Variants in LRRIQ1 observed in about 807,000 individuals in gnomAD.
LRRIQ1 encodes the protein leucine-rich repeat- and IQ domain-containing protein 1.
Under a neutral mutation model 211.9 loss-of-function variants are expected in LRRIQ1, and 210 were observed. The ratio of observed to expected loss-of-function variants is 0.99; its 90% CI spans 0.89 to 1.11. The LOEUF is 1.11. LRRIQ1 is among the 50% of genes most tolerant of loss of function. The probability of loss-of-function intolerance (pLI) is 0.00; values close to 1 mark genes in which losing one functional copy is unlikely to be tolerated. For synonymous variants in LRRIQ1, 699 were observed against 650.1 expected, an observed-to-expected ratio of 1.08 and a Z score of -1.14; for missense variants, 2,136 against 1,939.5, an observed-to-expected ratio of 1.10 and a Z score of -1.90.
intron 15 of LRRIQ1, among the ~76,000 whole-genome samples, chr12:85,118,600 C>G (rs1887750679): frequency 1.4e-5 from 2 of 147,626 alleles, no homozygotes; most frequent in African/African-American, 5.0e-5. Flanking sequence ...AAGATTATAA[C>G]TATACACAGA....
chr12:85,038,271 A>G lies in LRRIQ1; in HGVS notation c.95A>G (p.Asp32Gly). Residue 32 changes from aspartate to glycine, a missense_variant, in exon 2 of 27, where the codon GAT becomes GGT. Coordinates refer to ENST00000393217, the MANE Select transcript of LRRIQ1 (RefSeq NM_001079910.2). ...SSLEKEDIES[D>G]AKSETQSDDS... Reference sequence around the variant, plus strand: ...TTGGAAAAAGAAGACATTGAGAGTGATGCAAAATCAGAAACCCAGAGTGAT... The same window carrying G: ...TTGGAAAAAGAAGACATTGAGAGTGGTGCAAAATCAGAAACCCAGAGTGAT... 3 of 1,583,926 alleles carry G rather than the reference A, an allele frequency of 1.9e-6. No homozygotes were observed. Among genetic ancestry groups the G allele is most frequent in the East Asian group, 4.7e-5 (2 of 42,820 alleles).
At chr12:85,038,406 G>A in intron 2 of LRRIQ1, 98 bp downstream of exon 2, 1 of 807,082 alleles carries the variant, frequency 1.2e-6, no homozygotes, top group Non-Finnish European at 1.7e-6. Context: ...ATTTTTAGCA[G>A]CATTGTTATA....
intron 24 of LRRIQ1, among the ~76,000 whole-genome samples, chr12:85,210,723 A>G (rs1893798647): frequency 6.6e-6 from 1 of 152,188 alleles, no homozygotes; most frequent in African/African-American, 2.4e-5. Flanking sequence ...GTTTCTGAAC[A>G]TTCTGGAAGT....
At chr12:85,072,655 T>C (rs1883216794) in intron 10 of LRRIQ1, among the ~76,000 whole-genome samples, 1 of 151,932 alleles carries the variant, frequency 6.6e-6, no homozygotes, top group African/African-American at 2.4e-5. Flanking sequence ...GTTTTTTTCA[T>C]TCTCTCTTTA....
chr12:85,265,194 C>T (rs1221648680), downstream of LRRIQ1, among the ~76,000 whole-genome samples: 1 of 151,874 alleles, frequency 6.6e-6, no homozygotes, highest in Non-Finnish European at 1.5e-5. Flanking sequence ...ATATTTTACT[C>T]TAGTGTGCTA....
chr12:85,232,921 C>G (rs1895014387), intron 26 of LRRIQ1, 165 bp downstream of exon 26: 1 of 532,284 alleles, frequency 1.9e-6, no homozygotes, highest in Non-Finnish European at 3.3e-6. Flanking sequence ...GTTTTCTTGA[C>G]TTGTAATACA....
intron 17 of LRRIQ1, among the ~76,000 whole-genome samples, chr12:85,126,205 C>T (rs189447296): frequency 5.9e-5 from 9 of 152,160 alleles, no homozygotes; most frequent in African/African-American, 1.9e-4. Flanking sequence ...AGAAAATACC[C>T]CTCATCTACC....
At chr12:85,038,429 A>T in intron 2 of LRRIQ1, 121 bp downstream of exon 2, 11 of 501,504 alleles carry the variant, frequency 2.2e-5, no homozygotes, top group Non-Finnish European at 3.2e-5. Flanking sequence ...CAATTTATAT[A>T]AATATAAATT....
At chr12:85,081,204 T>A (rs376677092) in intron 11 of LRRIQ1, among the ~76,000 whole-genome samples, 2 of 152,188 alleles carry the variant, frequency 1.3e-5, no homozygotes, top group Admixed American at 6.6e-5. Flanking sequence ...GCTTTCTTTC[T>A]GAGGATTACT....
At chr12:85,165,629 C>T (rs759872709) in intron 24 of LRRIQ1, among the ~76,000 whole-genome samples, 2 of 151,934 alleles carry the variant, frequency 1.3e-5, no homozygotes, top group African/African-American at 4.8e-5. Context: ...CACGCCACCA[C>T]GCCCAGCTAA....
chr12:85,057,589 A>AT (rs1452376056), intron 8 of LRRIQ1, among the ~76,000 whole-genome samples: 2 of 152,084 alleles, frequency 1.3e-5, no homozygotes, highest in African/African-American at 2.4e-5. Flanking sequence ...AGTGGATTTT[A>AT]TGTCCATGAC....
In LRRIQ1 at chr12:85,121,774, C is replaced by A; in HGVS notation, c.3455C>A (p.Thr1152Asn). 1 of 1,610,222 alleles carries A rather than the reference C, an allele frequency of 6.2e-7. No individual in the cohort carries two copies. The highest frequency in any genetic ancestry group is 8.5e-7 in the Non-Finnish European group (1 of 1,178,174). The part of the protein sequence containing the change: ...NILNSNSESR[T>N]EEHNQLGSAG... The stretch of plus-strand genomic sequence containing the variant: ...CTAAACTCTAATTCAGAAAGCCGCA[C>A]TGAAGAACACAATCAACTGGGATCA... Residue 1152 changes from threonine to asparagine, a missense_variant, in exon 16 of 27, where the codon ACT (threonine) becomes AAT (asparagine). Physicochemically the swap from Thr to Asn is moderately conservative, Grantham distance 65. Transcript: ENST00000393217.
intron 24 of LRRIQ1, among the ~76,000 whole-genome samples, chr12:85,217,167 A>G (rs1351843734): frequency 1.3e-5 from 2 of 151,782 alleles, no homozygotes; most frequent in Non-Finnish European, 2.9e-5. Flanking sequence ...GCAGAAGTTT[A>G]TAATAAAATG....
chr12:85,207,273 C>A (rs1163776494), intron 24 of LRRIQ1, among the ~76,000 whole-genome samples: 1 of 151,990 alleles, frequency 6.6e-6, no homozygotes, highest in Non-Finnish European at 1.5e-5. Flanking sequence ...CAATGCCTTC[C>A]TTCCAAAGAT....
intron 23 of LRRIQ1, among the ~76,000 whole-genome samples, chr12:85,154,994 A>C (rs1247909458): frequency 6.6e-6 from 1 of 151,210 alleles, no homozygotes; most frequent in Non-Finnish European, 1.5e-5. Flanking sequence ...ATTATAATTC[A>C]GTAAATTCTA....
intron 13 of LRRIQ1, among the ~76,000 whole-genome samples, chr12:85,100,489 T>G (rs1886267195): frequency 6.6e-6 from 1 of 151,754 alleles, no homozygotes; most frequent in African/African-American, 2.4e-5. Flanking sequence ...GTTTGACTAT[T>G]GAGATGGGGT....
intron 17 of LRRIQ1, among the ~76,000 whole-genome samples, chr12:85,126,264 AT>A (rs1888364627): frequency 6.6e-6 from 1 of 152,128 alleles, no homozygotes; most frequent in African/African-American, 2.4e-5. Context: ...AGGCTGAGGA[AT>A]TCATGCAATC....
At chr12:85,050,150 G>A (rs1010562767) in intron 6 of LRRIQ1, among the ~76,000 whole-genome samples, 24 of 152,072 alleles carry the variant, frequency 1.6e-4, no homozygotes, top group Admixed American at 1.4e-3. Flanking sequence ...TAAGGGACCT[G>A]CTCCCATGAT....
At chr12:85,075,400 G>C (rs2136124701) in intron 11 of LRRIQ1, among the ~76,000 whole-genome samples, 1 of 152,188 alleles carries the variant, frequency 6.6e-6, no homozygotes, top group East Asian at 1.9e-4. Flanking sequence ...GGCTTTACAG[G>C]AAGCATGGTA....
Sources: allele counts gnomAD v4.1 joint callset (sites outside exome capture counted in the v4.1 genomes callset), GRCh38; gene constraint gnomAD v4.1.1; transcripts MANE v1.5; gene names NCBI Gene and HGNC (gene_info 2026-07-23, HGNC 2026-07-21).